GPHN: variants seen among roughly 807,000 people sequenced by gnomAD.
GPHN encodes the protein gephyrin.
GPHN carries 17 observed loss-of-function variants against 95.5 expected under a neutral mutation model. That is an observed-to-expected ratio of 0.18 (90% CI 0.12 to 0.27). GPHN has a LOEUF of 0.27. Ranked by LOEUF, GPHN falls within the 10% of genes least tolerant of loss-of-function variation. GPHN has a pLI of 1.00. For missense variants in GPHN, 660 were observed against 978.1 expected (o/e 0.67, Z 4.34); for synonymous variants, 320 against 322.5 (o/e 0.99, Z 0.08).
At chr14:67,116,835 T>C (rs1202725184) in intron 16 of GPHN, among the ~76,000 whole-genome samples, 1 of 152,266 alleles carries the variant, frequency 6.6e-6, no homozygotes, top group East Asian at 1.9e-4. Flanking sequence ...TAAATGTTTC[T>C]CTTCCCTTCT....
At chr14:67,446,460 A>G in the GPHN span, among the ~76,000 whole-genome samples, 4 of 152,220 alleles carry the variant, frequency 2.6e-5, no homozygotes, top group Non-Finnish European at 5.9e-5. Flanking sequence ...CCATGAAACC[A>G]AAATCAGAGA....
intron 3 of GPHN, among the ~76,000 whole-genome samples, chr14:66,799,060 T>A (rs1405333702): frequency 6.6e-6 from 1 of 152,044 alleles, no homozygotes; most frequent in East Asian, 1.9e-4. Flanking sequence ...CTTCTTAATT[T>A]CTTAATTGAC....
chr14:66,815,408 G>T (rs1404224778), intron 3 of GPHN, among the ~76,000 whole-genome samples: 1 of 152,156 alleles, frequency 6.6e-6, no homozygotes, highest in Non-Finnish European at 1.5e-5. Flanking sequence ...GTTAAAGGCA[G>T]CTAGAGTGAA....
the GPHN span, among the ~76,000 whole-genome samples, chr14:67,284,444 AC>A: frequency 1.4e-5 from 2 of 146,706 alleles, no homozygotes; most frequent in African/African-American, 5.1e-5. Flanking sequence ...AAAAAAAAAA[AC>A]AGCTGGGCAT....
the GPHN span, among the ~76,000 whole-genome samples, chr14:67,342,392 T>C: frequency 2.0e-5 from 3 of 151,656 alleles, no homozygotes; most frequent in Admixed American, 6.6e-5. Context: ...TATGAATATA[T>C]AACATTGAAG....
chr14:67,531,310 G>T, the GPHN span, among the ~76,000 whole-genome samples: 2 of 152,114 alleles, frequency 1.3e-5, no homozygotes. Context: ...AACAAAAGTT[G>T]TAACTTGCCC....
the GPHN span, among the ~76,000 whole-genome samples, chr14:67,636,300 C>G: frequency 6.6e-6 from 1 of 152,048 alleles, no homozygotes; most frequent in East Asian, 1.9e-4. Flanking sequence ...CAAAACCTTA[C>G]TCATCATGTA....
At chr14:66,965,431 C>T in intron 9 of GPHN, 106 bp downstream of exon 9, 3 of 1,045,762 alleles carry the variant, frequency 2.9e-6, no homozygotes, top group Admixed American at 3.4e-5. Context: ...TGCAAGATTA[C>T]ACTGTGAAAA....
chr14:66,671,510 T>C (rs919619734), intron 1 of GPHN, among the ~76,000 whole-genome samples: 1 of 152,244 alleles, frequency 6.6e-6, no homozygotes, highest in Admixed American at 6.5e-5. Context: ...CAAACAATGT[T>C]TGCAGTTGTT....
At chr14:67,604,087 G>T in the GPHN span, among the ~76,000 whole-genome samples, 1 of 151,206 alleles carries the variant, frequency 6.6e-6, no homozygotes, top group Non-Finnish European at 1.5e-5. Context: ...CCACCTCCTG[G>T]GTTCAAGCGA....
At chr14:67,731,822 G>GT in the GPHN span, among the ~76,000 whole-genome samples, 2 of 151,764 alleles carry the variant, frequency 1.3e-5, no homozygotes, top group Non-Finnish European at 2.9e-5. Flanking sequence ...TATTCTAGGT[G>GT]TTTTTTTATT....
chr14:67,006,939 C>A (rs939500383), intron 9 of GPHN, among the ~76,000 whole-genome samples: 1 of 152,138 alleles, frequency 6.6e-6, no homozygotes, highest in African/African-American at 2.4e-5. Flanking sequence ...ATTTCACAGC[C>A]TCATCATCCA....
chr14:67,405,224 C>CAAAAAAAAAAAAAAAAAA, the GPHN span, among the ~76,000 whole-genome samples: 2 of 40,482 alleles, frequency 4.9e-5, no homozygotes, highest in Non-Finnish European at 1.1e-4. Context: ...GAGTCCATCT[C>CAAAAAAAAAAAAAAAAAA]AAAAAAAAAA....
intron 12 of GPHN, among the ~76,000 whole-genome samples, chr14:67,097,344 A>C (rs2077451523): frequency 6.6e-6 from 1 of 152,236 alleles, no homozygotes; most frequent in Non-Finnish European, 1.5e-5. Context: ...CATGTCACGG[A>C]GCCAACATAT....
At chr14:66,538,839 CA>C (rs2059238867) in intron 1 of GPHN, among the ~76,000 whole-genome samples, 1 of 149,780 alleles carries the variant, frequency 6.7e-6, no homozygotes, top group Non-Finnish European at 1.5e-5. Context: ...TTTTGAAATA[CA>C]ATATATGAAA....
the GPHN span, chr14:67,441,980 G>A: frequency 6.5e-6 from 1 of 153,872 alleles, no homozygotes; most frequent in Admixed American, 6.5e-5. Context: ...GGAAATTCCA[G>A]ACTAATATAG....
chr14:67,257,607 A>G, the GPHN span, among the ~76,000 whole-genome samples: 1 of 152,158 alleles, frequency 6.6e-6, no homozygotes, highest in East Asian at 1.9e-4. Context: ...CTAAAAAAAA[A>G]AGAAATGGCA....
the GPHN span, chr14:67,562,417 G>C: frequency 6.2e-7 from 1 of 1,613,880 alleles, no homozygotes; most frequent in South Asian, 1.1e-5. Flanking sequence ...TGGGAAGAGA[G>C]AGCCCTCCCC....
rs1228392559 is a variant in GPHN at position 67,161,452 on chromosome 14, GCTT to G, written c.1910+1967_1910+1969del. ...GGATATCCCAAAAGCATATCAGTGTGCTTCTCAAAACCTCAAAAATTGAATTGG... is the reference window on the plus strand; with the variant it reads ...GGATATCCCAAAAGCATATCAGTGTGCTCAAAACCTCAAAAATTGAATTGG... On this transcript the variant is annotated intron_variant, in intron 19 of 22. Coordinates refer to ENST00000478722, the MANE Select transcript of GPHN (RefSeq NM_020806.5). Among the ~76,000 whole-genome samples the G allele has an allele frequency of 8.6e-5, 13 of 151,840 alleles. No individual in the cohort carries two copies. The East Asian group carries it at 2.5e-3, about 29-fold the overall frequency.
Sources: allele counts gnomAD v4.1 joint callset (sites outside exome capture counted in the v4.1 genomes callset), GRCh38; gene constraint gnomAD v4.1.1; transcripts MANE v1.5; gene names NCBI Gene and HGNC (gene_info 2026-07-23, HGNC 2026-07-21).